SASS6: variants seen among roughly 807,000 people sequenced by gnomAD.
The protein encoded by SASS6 is SAS-6 centriolar assembly protein, also known as spindle assembly abnormal protein 6 homolog.
A neutral mutation model predicts 94.9 loss-of-function variants in SASS6; 59 were observed. The observed-to-expected ratio is 0.62, with a 90% confidence interval of 0.50 to 0.77. SASS6 has a LOEUF of 0.77. SASS6 is among the 30% of genes least tolerant of loss of function. The pLI is 0.00. For synonymous variants in SASS6, 264 were observed against 270.0 expected, an observed-to-expected ratio of 0.98 and a Z score of 0.22; for missense variants, 698 against 734.1, an observed-to-expected ratio of 0.95 and a Z score of 0.57.
chr1:100,124,832 A>C (rs72971880), intron 2 of SASS6, among the ~76,000 whole-genome samples: 134 of 152,338 alleles, frequency 8.8e-4, no homozygotes, highest in African/African-American at 3.1e-3. Context: ...TTAGATTCTC[A>C]TAAGGAGCAT....
intron 14 of SASS6, among the ~76,000 whole-genome samples, chr1:100,097,623 G>A (rs1652194417): frequency 6.6e-6 from 1 of 151,958 alleles, no homozygotes; most frequent in Non-Finnish European, 1.5e-5. Flanking sequence ...CCAGGAATTC[G>A]AAATCACCCT....
intron 14 of SASS6, among the ~76,000 whole-genome samples, chr1:100,088,478 C>T (rs1038264317): frequency 2.0e-5 from 3 of 152,056 alleles, no homozygotes; most frequent in South Asian, 2.1e-4. Context: ...CTTGTAGAGA[C>T]GGGGTTTCAC....
chr1:100,102,482 G>A (rs1471474541), intron 14 of SASS6, among the ~76,000 whole-genome samples: 1 of 152,088 alleles, frequency 6.6e-6, no homozygotes, highest in Admixed American at 6.5e-5. Context: ...TTCGAGACCA[G>A]CCTGGCCAAC....
At chr1:100,107,237 C>A in intron 11 of SASS6, 137 bp downstream of exon 11, 1 of 631,180 alleles carries the variant, frequency 1.6e-6, no homozygotes, top group Non-Finnish European at 2.8e-6. Context: ...CAGGTTATTA[C>A]CATCTACTCA....
chr1:100,116,040 A>G (rs1488631926), intron 7 of SASS6, among the ~76,000 whole-genome samples: 1 of 152,210 alleles, frequency 6.6e-6, no homozygotes, highest in African/African-American at 2.4e-5. Flanking sequence ...CAAATGTGAA[A>G]TGAAATCTTA....
intron 1 of SASS6, among the ~76,000 whole-genome samples, chr1:100,131,082 G>T (rs529830467): frequency 1.3e-5 from 2 of 152,288 alleles, no homozygotes; most frequent in African/African-American, 4.8e-5. Context: ...TGAAACCAAA[G>T]TCATGGCCTC....
chr1:100,111,560 A>G (rs1653331136), intron 7 of SASS6, among the ~76,000 whole-genome samples: 1 of 152,108 alleles, frequency 6.6e-6, no homozygotes, highest in Non-Finnish European at 1.5e-5. Flanking sequence ...ATGATCAATT[A>G]TAGAATAAAG....
chr1:100,126,813 C>T (rs964142479), intron 1 of SASS6, among the ~76,000 whole-genome samples: 1 of 151,966 alleles, frequency 6.6e-6, no homozygotes, highest in Non-Finnish European at 1.5e-5. Flanking sequence ...ATATGTGAAG[C>T]GATATTAGAA....
chr1:100,118,845 T>C (rs928925090), intron 7 of SASS6, among the ~76,000 whole-genome samples, 173 bp downstream of exon 7: 3 of 152,122 alleles, frequency 2.0e-5, no homozygotes, highest in African/African-American at 7.2e-5. Flanking sequence ...TACATCAAAA[T>C]GTTTATAGAT....
intron 14 of SASS6, among the ~76,000 whole-genome samples, 200 bp downstream of exon 14, chr1:100,102,755 A>C (rs1281147507): frequency 6.6e-6 from 1 of 152,054 alleles, no homozygotes; most frequent in African/African-American, 2.4e-5. Context: ...TTTAGAAATT[A>C]CAGTGACTCA....
In SASS6 at chr1:100,085,636, A is replaced by T. The variant is rs1651191517; in HGVS notation, c.1773-6T>A. 6.5e-7 allele frequency: 1 copy of T among 1,545,444 alleles called. No individual in the cohort carries two copies. The highest frequency in any genetic ancestry group is 8.9e-7 in the Non-Finnish European group (1 of 1,120,522). On this transcript the variant is annotated splice_region_variant and splice_polypyrimidine_tract_variant and intron_variant, in intron 15 of 16. Transcript: ENST00000287482. ...CCAACCCTACATTTTCACCACTTAA[A>T]AAGAAAATGGTAATAACTTATTTAA...
intron 7 of SASS6, among the ~76,000 whole-genome samples, chr1:100,111,453 C>T (rs1182947852): frequency 6.6e-6 from 1 of 151,808 alleles, no homozygotes; most frequent in African/African-American, 2.4e-5. Flanking sequence ...TAACTTCTGC[C>T]CTATTACGGA....
At chr1:100,097,515 A>G (rs1482325296) in intron 14 of SASS6, among the ~76,000 whole-genome samples, 1 of 152,170 alleles carries the variant, frequency 6.6e-6, no homozygotes, top group Non-Finnish European at 1.5e-5. Flanking sequence ...CCTCAAACAC[A>G]GTATACTGAG....
chr1:100,107,642 C>T lies in SASS6; in HGVS notation c.1132G>A (p.Ala378Thr), dbSNP rs768813901. 3 of 1,598,912 alleles carry T rather than the reference C, an allele frequency of 1.9e-6. No homozygotes were observed. The Admixed American group carries it at 5.2e-5, about 27-fold the overall frequency. The change falls in exon 10 of 17, where the codon GCA (alanine) becomes ACA (threonine). Residue 378 changes from alanine (A) to threonine (T), a missense_variant. Ala to Thr is a moderately conservative substitution (Grantham distance 58). Transcript: ENST00000287482. ...KLEATIKSLS[A>T]ELLKANEIIK... ...TTAAAACAAACCTTCAGAAGTTCTG[C>T]AGATAATGATTTTATTGTAGCTTCA... is the stretch of plus-strand genomic sequence containing the variant.
At chr1:100,105,662 G>T in intron 13 of SASS6, 105 bp downstream of exon 13, 2 of 1,071,584 alleles carry the variant, frequency 1.9e-6, no homozygotes, top group Non-Finnish European at 2.8e-6. Context: ...ACTCCACTTT[G>T]TATTGGTATC....
At chr1:100,113,801 A>T (rs910549024) in intron 7 of SASS6, among the ~76,000 whole-genome samples, 13 of 152,094 alleles carry the variant, frequency 8.5e-5, no homozygotes, top group Non-Finnish European at 1.9e-4. Flanking sequence ...AACATAAGAG[A>T]AATAATATGG....
chr1:100,132,914 G>A lies in SASS6; in HGVS notation c.-100C>T, dbSNP rs1655202575. On this transcript the variant is annotated 5_prime_UTR_variant, in exon 1 of 17. Transcript: ENST00000287482. ...GGTCCTGATAAAGTTTGAGTTTGGC[G>A]CTCGGCTTCTGCGGAGGAGGCGGGG... 3 of 1,216,218 alleles carry A rather than the reference G, an allele frequency of 2.5e-6. No homozygotes were observed. Among genetic ancestry groups the A allele is most frequent in the Non-Finnish European group, 3.6e-6 (3 of 835,870 alleles). The allele number at this position is 1,216,218 out of a possible 1,614,324, so 75.3% of individuals were successfully genotyped here.
chr1:100,089,476 T>TA, intron 14 of SASS6, among the ~76,000 whole-genome samples: 1 of 151,942 alleles, frequency 6.6e-6, no homozygotes, highest in Non-Finnish European at 1.5e-5. Context: ...AAATGAATGA[T>TA]AAAGAGAAAA....
intron 14 of SASS6, among the ~76,000 whole-genome samples, chr1:100,093,167 T>C (rs1651862776): frequency 6.7e-6 from 1 of 149,204 alleles, no homozygotes; most frequent in African/African-American, 2.5e-5. Flanking sequence ...AGAATACCTA[T>C]TGTTTTCTTT....
Sources: gnomAD v4.1 joint callset for allele counts (sites outside exome capture counted in the v4.1 genomes callset) on GRCh38, gnomAD v4.1.1 for gene constraint, MANE v1.5 for transcripts, NCBI Gene and HGNC (gene_info 2026-07-23, HGNC 2026-07-21) for gene names.